FILIP1L: variants seen among roughly 807,000 people sequenced by gnomAD.
FILIP1L encodes the protein filamin A-interacting protein 1-like.
FILIP1L carries 55 observed loss-of-function variants against 96.6 expected under a neutral mutation model. The observed-to-expected ratio is 0.57, with a 90% CI of 0.46 to 0.71. FILIP1L has a LOEUF of 0.71. Among genes scored for constraint, FILIP1L ranks in the 30% least tolerant of loss-of-function variants. The probability of loss-of-function intolerance (pLI) is 0.00; values close to 1 mark genes in which losing one functional copy is unlikely to be tolerated. For missense variants in FILIP1L, 1,304 were observed against 1,321.2 expected (o/e 0.99, Z 0.20); for synonymous variants, 467 against 473.9 (o/e 0.99, Z 0.19).
chr3:99,934,299 A>G (rs111853300), intron 1 of FILIP1L, among the ~76,000 whole-genome samples: 8 of 152,262 alleles, frequency 5.3e-5, no homozygotes, highest in African/African-American at 9.6e-5. Flanking sequence ...GCCATCTTTG[A>G]AAAAGTTCAC....
intron 4 of FILIP1L, among the ~76,000 whole-genome samples, chr3:99,881,631 C>T (rs1412924293): frequency 6.6e-6 from 1 of 151,748 alleles, no homozygotes; most frequent in Non-Finnish European, 1.5e-5. Context: ...CTCCTGGGTT[C>T]AGACAGTTCT....
At chr3:100,081,703 G>A (rs777794896) in intron 1 of FILIP1L, among the ~76,000 whole-genome samples, 2 of 151,974 alleles carry the variant, frequency 1.3e-5, no homozygotes, top group Non-Finnish European at 2.9e-5. Flanking sequence ...CATCAATACA[G>A]GTAAATAGTA....
Position 100,019,140 on chromosome 3 carries a change from T to C in FILIP1L, c.-10-88110A>G, listed in dbSNP as rs80239544. Among the ~76,000 whole-genome samples the C allele has an allele frequency of 6.1e-3, 922 of 152,276 alleles. 10 individuals carry two copies. The highest frequency in any genetic ancestry group is 0.021 in the African/African-American group (855 of 41,572). On this transcript the variant is annotated intron_variant, in intron 1 of 5. Coordinates refer to ENST00000477258, the MANE Select transcript of FILIP1L (RefSeq NM_001387850.1). ...ATGGAGGTTCCTCAGAAAATAAAAA[T>C]AGGTCTACCTTATTATCCATCAATT... is the stretch of plus-strand genomic sequence containing the variant.
At chr3:99,989,145 A>G (rs940954625) in intron 1 of FILIP1L, among the ~76,000 whole-genome samples, 4 of 152,234 alleles carry the variant, frequency 2.6e-5, no homozygotes, top group Admixed American at 1.3e-4. Context: ...CCTAGCAACA[A>G]CTGTATGACA....
At chr3:99,907,216 A>G (rs1706645930) in intron 4 of FILIP1L, among the ~76,000 whole-genome samples, 2 of 152,038 alleles carry the variant, frequency 1.3e-5, no homozygotes, top group African/African-American at 4.8e-5. Flanking sequence ...GGTGTGGAAT[A>G]GTTATCTTAA....
At chr3:99,940,181 G>T (rs1030788779) in intron 1 of FILIP1L, among the ~76,000 whole-genome samples, 6 of 152,154 alleles carry the variant, frequency 3.9e-5, no homozygotes, top group African/African-American at 1.4e-4. Context: ...CTCATTTAAG[G>T]TTGAAACAGG....
At chr3:99,901,445 C>G (rs1219785563) in intron 4 of FILIP1L, among the ~76,000 whole-genome samples, 1 of 152,052 alleles carries the variant, frequency 6.6e-6, no homozygotes, top group Non-Finnish European at 1.5e-5. Flanking sequence ...TTTTCCTGTC[C>G]CTGGAGAAGC....
intron 4 of FILIP1L, among the ~76,000 whole-genome samples, chr3:99,880,775 A>G (rs909010757): frequency 6.6e-6 from 1 of 152,210 alleles, no homozygotes; most frequent in African/African-American, 2.4e-5. Context: ...GTCCTACCAC[A>G]TGAATACTGC....
chr3:100,106,415 T>C (rs2066396280), intron 1 of FILIP1L, among the ~76,000 whole-genome samples: 1 of 152,128 alleles, frequency 6.6e-6, no homozygotes, highest in African/African-American at 2.4e-5. Context: ...CTCAGGATTA[T>C]GCAAGATATG....
chr3:100,008,662 G>A (rs1710057228), intron 1 of FILIP1L, among the ~76,000 whole-genome samples: 1 of 152,300 alleles, frequency 6.6e-6, no homozygotes, highest in African/African-American at 2.4e-5. Context: ...TAAGTCTATT[G>A]CACAGCAACA....
At chr3:100,004,507 GAA>G (rs1709933589) in intron 1 of FILIP1L, among the ~76,000 whole-genome samples, 1 of 152,162 alleles carries the variant, frequency 6.6e-6, no homozygotes, top group Admixed American at 6.5e-5. Flanking sequence ...AAAGGATTAA[GAA>G]AATCCCATTA....
At chr3:99,931,667 C>T (rs1707487475) in intron 1 of FILIP1L, among the ~76,000 whole-genome samples, 1 of 152,286 alleles carries the variant, frequency 6.6e-6, no homozygotes, top group Admixed American at 6.5e-5. Flanking sequence ...AATTCTAGAT[C>T]TATCCTTGGG....
At chr3:100,020,021 G>A (rs1429543906) in intron 1 of FILIP1L, among the ~76,000 whole-genome samples, 1 of 152,124 alleles carries the variant, frequency 6.6e-6, no homozygotes, top group Non-Finnish European at 1.5e-5. Context: ...CACTGATTCA[G>A]TAATTACCCT....
intron 1 of FILIP1L, among the ~76,000 whole-genome samples, chr3:100,109,201 T>C (rs529229879): frequency 5.9e-5 from 9 of 152,218 alleles, no homozygotes; most frequent in Admixed American, 2.6e-4. Context: ...TCTTTTTCTT[T>C]TGTGTGTTTT....
intron 1 of FILIP1L, among the ~76,000 whole-genome samples, chr3:100,007,542 T>C (rs1710022730): frequency 6.6e-6 from 1 of 152,216 alleles, no homozygotes; most frequent in East Asian, 1.9e-4. Flanking sequence ...CGTTATGTAA[T>C]GAAGAAGAGA....
intron 1 of FILIP1L, among the ~76,000 whole-genome samples, chr3:99,983,416 A>ATATG (rs1240242590): frequency 1.0e-5 from 1 of 96,954 alleles, no homozygotes; most frequent in Admixed American, 1.2e-4. Flanking sequence ...ATATATATAT[A>ATATG]TATGTATGTA....
intron 4 of FILIP1L, among the ~76,000 whole-genome samples, chr3:99,921,046 G>A (rs187262235): frequency 1.3e-5 from 2 of 152,270 alleles, no homozygotes; most frequent in East Asian, 3.9e-4. Context: ...TGCTGGGAGG[G>A]TTGCTAGTTT....
At chr3:100,096,493 G>A (rs1048189015) in intron 1 of FILIP1L, among the ~76,000 whole-genome samples, 2 of 152,182 alleles carry the variant, frequency 1.3e-5, no homozygotes, top group African/African-American at 4.8e-5. Flanking sequence ...ATTATGTTAA[G>A]TGAAATAAGC....
chr3:100,013,752 A>G (rs900881011), intron 1 of FILIP1L, among the ~76,000 whole-genome samples: 6 of 152,196 alleles, frequency 3.9e-5, no homozygotes, highest in African/African-American at 1.4e-4. Flanking sequence ...TGTTTGATGT[A>G]TGTATACCTT....
Sources: allele counts gnomAD v4.1 joint callset (sites outside exome capture counted in the v4.1 genomes callset), GRCh38; gene constraint gnomAD v4.1.1; transcripts MANE v1.5; gene names NCBI Gene and HGNC (gene_info 2026-07-23, HGNC 2026-07-21).